Variants in XYLT1 observed in about 807,000 individuals in gnomAD.
XYLT1 encodes beta-D-xylosyltransferase 1.
A neutral mutation model predicts 91.3 loss-of-function variants in XYLT1; 36 were observed. The ratio of observed to expected loss-of-function variants is 0.39; its 90% CI spans 0.30 to 0.52. The LOEUF is 0.52. Among genes scored for constraint, XYLT1 ranks in the 20% least tolerant of loss-of-function variants. The pLI is 0.68. For synonymous variants in XYLT1, 588 were observed against 532.0 expected (o/e 1.11, Z -1.45); for missense variants, 1,242 against 1,284.5 (o/e 0.97, Z 0.51).
chr16:17,181,355 A>G (rs956805412), intron 5 of XYLT1, among the ~76,000 whole-genome samples: 2 of 152,226 alleles, frequency 1.3e-5, no homozygotes, highest in Non-Finnish European at 2.9e-5. Flanking sequence ...GACATAAAAT[A>G]TAAGAGGAAG....
intron 5 of XYLT1, among the ~76,000 whole-genome samples, chr16:17,197,348 T>C (rs1471110059): frequency 2.6e-5 from 4 of 152,152 alleles, no homozygotes; most frequent in Non-Finnish European, 5.9e-5. Context: ...CAGGCCACCG[T>C]TGGTAAAATT....
At chr16:17,302,323 G>A (rs2034407991) in intron 2 of XYLT1, among the ~76,000 whole-genome samples, 1 of 152,186 alleles carries the variant, frequency 6.6e-6, no homozygotes, top group Non-Finnish European at 1.5e-5. Flanking sequence ...AGCATAAGAT[G>A]TCGAGTCTAG....
At chr16:17,258,931 G>A in intron 3 of XYLT1, 57 bp downstream of exon 3, 1 of 1,465,470 alleles carries the variant, frequency 6.8e-7, no homozygotes. Context: ...ATGGGGCTGG[G>A]CAGGAGGAGG....
At chr16:17,185,586 C>T (rs1466337934) in intron 5 of XYLT1, among the ~76,000 whole-genome samples, 1 of 152,246 alleles carries the variant, frequency 6.6e-6, no homozygotes, top group African/African-American at 2.4e-5. Flanking sequence ...TTTTCCAACA[C>T]AGCATGTAGC....
At chr16:17,439,301 C>A (rs910031350) in intron 1 of XYLT1, among the ~76,000 whole-genome samples, 22 of 152,040 alleles carry the variant, frequency 1.4e-4, no homozygotes, top group Non-Finnish European at 2.6e-4. Context: ...CAGTTATCCC[C>A]AAACAAAGTT....
chr16:17,417,992 T>A (rs373732073), intron 1 of XYLT1, among the ~76,000 whole-genome samples: 12 of 152,276 alleles, frequency 7.9e-5, no homozygotes, highest in Admixed American at 1.3e-4. Flanking sequence ...GGCACGTGCA[T>A]GAGACACCTT....
At chr16:17,373,996 C>A (rs1474121698) in intron 1 of XYLT1, among the ~76,000 whole-genome samples, 2 of 151,966 alleles carry the variant, frequency 1.3e-5, no homozygotes, top group African/African-American at 2.4e-5. Flanking sequence ...ATAAATGCTG[C>A]CAAAGGGGAG....
At chr16:17,109,208 C>T (rs537072873) in intron 11 of XYLT1, among the ~76,000 whole-genome samples, 191 bp from the exon 12 acceptor site, 12 of 152,328 alleles carry the variant, frequency 7.9e-5, no homozygotes, top group African/African-American at 2.6e-4. Flanking sequence ...AAGGACAGAG[C>T]CCACTTTGTA....
At chr16:17,316,897 C>A (rs1352499398) in intron 2 of XYLT1, among the ~76,000 whole-genome samples, 1 of 150,736 alleles carries the variant, frequency 6.6e-6, no homozygotes, top group Non-Finnish European at 1.5e-5. Context: ...TCTCGGCTCA[C>A]TGCAGGCTCC....
At chr16:17,170,955 T>C (rs1469320593) in intron 5 of XYLT1, among the ~76,000 whole-genome samples, 3 of 152,154 alleles carry the variant, frequency 2.0e-5, no homozygotes, top group Non-Finnish European at 4.4e-5. Context: ...ATTTTGTCAT[T>C]TTTAAAATTG....
intron 3 of XYLT1, among the ~76,000 whole-genome samples, chr16:17,258,666 G>C (rs1390088739): frequency 6.6e-6 from 1 of 152,142 alleles, no homozygotes; most frequent in African/African-American, 2.4e-5. Context: ...TACTGAAAGA[G>C]AAACGAAACC....
intron 3 of XYLT1, among the ~76,000 whole-genome samples, chr16:17,226,034 T>C (rs2033059531): frequency 6.7e-6 from 1 of 148,152 alleles, no homozygotes; most frequent in Non-Finnish European, 1.5e-5. Flanking sequence ...GGTAGTGGGT[T>C]TGAAGGGGAC....
intron 3 of XYLT1, among the ~76,000 whole-genome samples, chr16:17,217,616 G>A (rs2032884354): frequency 6.6e-6 from 1 of 152,192 alleles, no homozygotes; most frequent in Non-Finnish European, 1.5e-5. Context: ...CAGCTACGCT[G>A]CCAGGCACTG....
intron 5 of XYLT1, among the ~76,000 whole-genome samples, chr16:17,174,894 T>C (rs1331174282): frequency 4.6e-5 from 7 of 152,096 alleles, no homozygotes. Context: ...CCTCAGCCTC[T>C]CAAGTAGCTG....
intron 8 of XYLT1, 113 bp downstream of exon 8, chr16:17,138,242 C>G (rs983847734): frequency 1.7e-5 from 21 of 1,257,296 alleles, no homozygotes; most frequent in Non-Finnish European, 2.3e-5. Context: ...TTATCAACAG[C>G]CAGGTTTGGG....
At chr16:17,121,311 T>G (rs2030047286) in intron 10 of XYLT1, among the ~76,000 whole-genome samples, 2 of 152,190 alleles carry the variant, frequency 1.3e-5, no homozygotes, top group Non-Finnish European at 2.9e-5. Context: ...CTGGAGCAGC[T>G]GACAAACAAC....
rs187457242 is a variant in XYLT1 at position 17,317,202 on chromosome 16, C to T, written c.402+40810G>A. Among the ~76,000 whole-genome samples, 805 of 152,212 alleles carry T rather than the reference C, an allele frequency of 5.3e-3. 3 individuals are homozygous for T. The highest frequency in any genetic ancestry group is 0.01 in the Middle Eastern group (3 of 294). On this transcript the variant is annotated intron_variant, in intron 2 of 11. Transcript: ENST00000261381. ...CCCCATCTAGGTGTTTGCCTCCTGCCATTTCTTCATGGTTCCTTGACTGTA... is the reference window on the plus strand; with the variant it reads ...CCCCATCTAGGTGTTTGCCTCCTGCTATTTCTTCATGGTTCCTTGACTGTA...
intron 1 of XYLT1, among the ~76,000 whole-genome samples, chr16:17,418,312 T>G (rs1185589649): frequency 6.6e-6 from 1 of 152,248 alleles, no homozygotes; most frequent in Non-Finnish European, 1.5e-5. Context: ...ATGTAGTGTG[T>G]GAAAAGATTA....
chr16:17,229,265 T>C (rs1228988320), intron 3 of XYLT1, among the ~76,000 whole-genome samples: 1 of 152,220 alleles, frequency 6.6e-6, no homozygotes, highest in African/African-American at 2.4e-5. Flanking sequence ...TCCTGAACTG[T>C]AGCCCGGGCC....
Sources: gnomAD v4.1 joint callset for allele counts (sites outside exome capture counted in the v4.1 genomes callset) on GRCh38, gnomAD v4.1.1 for gene constraint, MANE v1.5 for transcripts, NCBI Gene and HGNC (gene_info 2026-07-23, HGNC 2026-07-21) for gene names.